MMP26: variants seen among roughly 807,000 people sequenced by gnomAD.
MMP26 encodes the protein matrix metalloproteinase-26.
MMP26 carries 33 observed loss-of-function variants against 31.0 expected under a neutral mutation model. That is an observed-to-expected ratio of 1.06 (90% CI 0.81 to 1.42). The LOEUF (loss-of-function observed/expected upper bound fraction) is 1.42, where lower values mean the gene tolerates loss of function less well. MMP26 is among the 40% of genes most tolerant of loss of function. The pLI, the probability that MMP26 is intolerant of heterozygous loss-of-function variation, is 0.00. For missense variants in MMP26, 347 were observed against 316.1 expected, an observed-to-expected ratio of 1.10 and a Z score of -0.74; for synonymous variants, 122 against 114.9, an observed-to-expected ratio of 1.06 and a Z score of -0.40.
At chr11:4,986,951 CT>C (rs1846907515) in intron 2 of MMP26, among the ~76,000 whole-genome samples, 5 of 144,582 alleles carry the variant, frequency 3.5e-5, no homozygotes, top group African/African-American at 1.3e-4. Context: ...CTCTCTCTCT[CT>C]CTCTCTCCCT....
chr11:4,769,222 G>A, intron 2 of MMP26: 1 of 1,613,626 alleles, frequency 6.2e-7, no homozygotes. Flanking sequence ...ATTCTTCAGG[G>A]GAGGCAATTC....
At chr11:4,768,835 C>T in intron 2 of MMP26, 1 of 473,908 alleles carries the variant, frequency 2.1e-6, no homozygotes, top group South Asian at 7.1e-5. Flanking sequence ...ATTTTATGAC[C>T]AAATATACAA....
intron 2 of MMP26, among the ~76,000 whole-genome samples, chr11:4,879,991 G>A (rs1168572070): frequency 6.6e-6 from 1 of 152,142 alleles, no homozygotes; most frequent in African/African-American, 2.4e-5. Context: ...GGCAGTCTTA[G>A]CAGATATCTA....
At chr11:4,827,008 T>C (rs1849586240) in intron 2 of MMP26, among the ~76,000 whole-genome samples, 2 of 152,156 alleles carry the variant, frequency 1.3e-5, no homozygotes, top group South Asian at 4.1e-4. Flanking sequence ...ACCAAGTGAG[T>C]ACATGTAGAT....
rs1011389573 is a variant in MMP26 at position 4,891,024 on chromosome 11, T to A, written c.-144-97044T>A. 4.8e-5 allele frequency among the ~76,000 whole-genome samples: 7 copies of A among 144,728 alleles called. No individual in the cohort carries two copies. In the South Asian group the frequency reaches 1.1e-3, roughly 22 times the overall value. The allele number at this position is 144,728 out of a possible 152,430, so 94.9% of individuals were successfully genotyped here. On this transcript the variant is annotated intron_variant, in intron 2 of 7. Transcript: ENST00000380390. ...ATAATAATAATAATAATAATAATAA[T>A]AAAAGTAAAAGGACTGGGAAACCCC...
At chr11:4,836,172 G>A (rs1050652360) in intron 2 of MMP26, among the ~76,000 whole-genome samples, 2 of 151,890 alleles carry the variant, frequency 1.3e-5, no homozygotes, top group African/African-American at 4.8e-5. Flanking sequence ...GTGAGATTGG[G>A]TTTGCTTTAC....
At chr11:4,789,435 A>AC (rs1321863772) in intron 2 of MMP26, among the ~76,000 whole-genome samples, 1 of 142,270 alleles carries the variant, frequency 7.0e-6, no homozygotes, top group African/African-American at 2.6e-5. Context: ...CTATATTCCC[A>AC]TTTTTTTTTG....
chr11:4,840,911 A>G lies in MMP26; in HGVS notation c.-145+73570A>G, dbSNP rs182949751. On this transcript the variant is annotated intron_variant, in intron 2 of 7. Transcript: ENST00000380390. ...TTGAGGAAACTCAAAGAAATTCAAG[A>G]TAACACAGAGAAGGAACTCAGAACT... Among the ~76,000 whole-genome samples, 13 of 152,348 alleles carry G rather than the reference A, an allele frequency of 8.5e-5. No individual in the cohort carries two copies. In the East Asian group the frequency reaches 2.5e-3, roughly 29 times the overall value.
chr11:4,837,830 C>T (rs1849739469), intron 2 of MMP26, among the ~76,000 whole-genome samples: 1 of 151,894 alleles, frequency 6.6e-6, no homozygotes, highest in African/African-American at 2.4e-5. Context: ...CAGTTTTCTG[C>T]TACCCTAATT....
rs185074409 is a variant in MMP26 at position 4,850,534 on chromosome 11, G to A, written c.-145+83193G>A. ...ACACCATAGTCATATTTTCTTCCCTGCCCAAATGCCCAGAAAGATTGGAAC... is the reference window on the plus strand; with the variant it reads ...ACACCATAGTCATATTTTCTTCCCTACCCAAATGCCCAGAAAGATTGGAAC... On this transcript the variant is annotated intron_variant, in intron 2 of 7. Coordinates refer to ENST00000380390, the MANE Select transcript of MMP26 (RefSeq NM_021801.5). Among the ~76,000 whole-genome samples the A allele has an allele frequency of 1.2e-3, 175 of 152,088 alleles. 1 individual carries two copies. Among genetic ancestry groups the A allele is most frequent in the African/African-American group, 3.9e-3 (161 of 41,510 alleles).
At chr11:4,975,306 T>A (rs1846722352) in intron 2 of MMP26, among the ~76,000 whole-genome samples, 1 of 152,040 alleles carries the variant, frequency 6.6e-6, no homozygotes. Flanking sequence ...AATACCAGTA[T>A]GATGGCTGTC....
intron 2 of MMP26, among the ~76,000 whole-genome samples, chr11:4,788,893 A>G (rs1848983818): frequency 6.6e-6 from 1 of 152,212 alleles, no homozygotes; most frequent in Non-Finnish European, 1.5e-5. Context: ...AGGATATACA[A>G]GGGGACCACA....
At position 4,770,165 on chromosome 11, in the gene MMP26, T is replaced by A. The variant is rs554776639; in HGVS notation, c.-145+2824T>A. On this transcript the variant is annotated intron_variant, in intron 2 of 7. Transcript: ENST00000380390. The stretch of plus-strand genomic sequence containing the variant: ...AAAATTCAAGGGAAATATGTCCATA[T>A]GATTTTATACATTTTCATGATAGTG... Among the ~76,000 whole-genome samples, 338 of 152,304 alleles carry A rather than the reference T, an allele frequency of 2.2e-3. 1 individual carries two copies. Among genetic ancestry groups the A allele is most frequent in the Non-Finnish European group, 3.5e-3 (237 of 68,014 alleles).
rs145872069 is a variant in MMP26, at chr11:4,866,810, C to T, written c.-145+99469C>T. ...CTACAACCATCTGATCTTTGACAAA[C>T]CTGACAAAAATAAGCAATGGGGAAA... On this transcript the variant is annotated intron_variant, in intron 2 of 7. Coordinates refer to ENST00000380390, the MANE Select transcript of MMP26 (RefSeq NM_021801.5). Among the ~76,000 whole-genome samples, 893 of 152,118 alleles carry T rather than the reference C, an allele frequency of 5.9e-3. 8 individuals carry two copies. Among genetic ancestry groups the T allele is most frequent in the African/African-American group, 0.012 (495 of 41,522 alleles).
At chr11:4,833,527 T>C (rs758372929) in intron 2 of MMP26, among the ~76,000 whole-genome samples, 10 of 152,236 alleles carry the variant, frequency 6.6e-5, no homozygotes, top group Admixed American at 2.6e-4. Context: ...TGTCTAAGTA[T>C]GTTCTTTACT....
At chr11:4,956,791 A>T (rs1259275559) in intron 2 of MMP26, among the ~76,000 whole-genome samples, 1 of 152,158 alleles carries the variant, frequency 6.6e-6, no homozygotes, top group African/African-American at 2.4e-5. Context: ...AGTTTAAGGG[A>T]CCTACTTCAG....
intron 2 of MMP26, among the ~76,000 whole-genome samples, chr11:4,916,313 C>T (rs1040232608): frequency 2.0e-5 from 3 of 152,060 alleles, no homozygotes; most frequent in African/African-American, 4.8e-5. Context: ...TTGCTCTCTG[C>T]TCCTTCAGAC....
intron 1 of MMP26, among the ~76,000 whole-genome samples, chr11:4,705,459 A>G (rs1280132959): frequency 2.0e-5 from 3 of 152,142 alleles, no homozygotes; most frequent in African/African-American, 7.2e-5. Flanking sequence ...TTAATACCCA[A>G]TAATGGTGTT....
intron 2 of MMP26, among the ~76,000 whole-genome samples, chr11:4,958,342 C>G (rs1176481182): frequency 6.6e-6 from 1 of 152,196 alleles, no homozygotes; most frequent in Admixed American, 6.5e-5. Flanking sequence ...GTATCTCACT[C>G]TTTTTATTTT....
Sources: allele counts gnomAD v4.1 joint callset (sites outside exome capture counted in the v4.1 genomes callset), GRCh38; gene constraint gnomAD v4.1.1; transcripts MANE v1.5; gene names NCBI Gene and HGNC (gene_info 2026-07-23, HGNC 2026-07-21).